CNTNAP2: variants seen among roughly 807,000 people sequenced by gnomAD.
The protein encoded by CNTNAP2 is contactin-associated protein-like 2.
Under a neutral mutation model 155.2 loss-of-function variants are expected in CNTNAP2, and 98 were observed. The ratio of observed to expected loss-of-function variants is 0.63; its 90% CI spans 0.54 to 0.75. The LOEUF (loss-of-function observed/expected upper bound fraction) is 0.75, where lower values mean the gene tolerates loss of function less well. Among genes scored for constraint, CNTNAP2 ranks in the 30% least tolerant of loss-of-function variants. The probability of loss-of-function intolerance (pLI) is 0.00; values close to 1 mark genes in which losing one functional copy is unlikely to be tolerated. For synonymous variants in CNTNAP2, 651 were observed against 631.2 expected, an observed-to-expected ratio of 1.03 and a Z score of -0.47; for missense variants, 1,727 against 1,688.1, an observed-to-expected ratio of 1.02 and a Z score of -0.40.
chr7:146,916,774 TG>T (rs1401611141), intron 3 of CNTNAP2, among the ~76,000 whole-genome samples: 4 of 152,136 alleles, frequency 2.6e-5, no homozygotes, highest in Non-Finnish European at 5.9e-5. Context: ...ACCAGCTTTT[TG>T]TATCATTTAT....
At chr7:146,415,421 ATAATT>A (rs1194890957) in intron 1 of CNTNAP2, among the ~76,000 whole-genome samples, 1 of 152,202 alleles carries the variant, frequency 6.6e-6, no homozygotes, top group African/African-American at 2.4e-5. Flanking sequence ...TTACTTCAAA[ATAATT>A]TACTTCAAAA....
intron 2 of CNTNAP2, among the ~76,000 whole-genome samples, chr7:146,809,914 A>G (rs1399238257): frequency 6.6e-6 from 1 of 152,156 alleles, no homozygotes; most frequent in African/African-American, 2.4e-5. Flanking sequence ...TATCCAAAAA[A>G]TCATTGCCAA....
intron 4 of CNTNAP2, among the ~76,000 whole-genome samples, chr7:147,055,059 G>A (rs1333847536): frequency 1.3e-5 from 2 of 152,056 alleles, no homozygotes; most frequent in African/African-American, 2.4e-5. Context: ...ATAATCTCAA[G>A]AATTAAAGAA....
At chr7:147,593,671 ATTG>A (rs1336582143) in intron 12 of CNTNAP2, among the ~76,000 whole-genome samples, 2 of 152,284 alleles carry the variant, frequency 1.3e-5, no homozygotes, top group South Asian at 2.1e-4. Context: ...GGCTACTACT[ATTG>A]TTGTTGTCAT....
chr7:147,817,306 A>T (rs1798281134), intron 13 of CNTNAP2, among the ~76,000 whole-genome samples: 1 of 152,252 alleles, frequency 6.6e-6, no homozygotes, highest in African/African-American at 2.4e-5. Flanking sequence ...AACCGTTAGA[A>T]AAATTTTAGT....
At chr7:146,638,142 T>C (rs1799630529) in intron 1 of CNTNAP2, among the ~76,000 whole-genome samples, 1 of 152,194 alleles carries the variant, frequency 6.6e-6, no homozygotes, top group Admixed American at 6.5e-5. Flanking sequence ...TGTAAGCGTA[T>C]AGCCAGGTTA....
At chr7:148,295,528 G>C (rs1331648077) in intron 21 of CNTNAP2, among the ~76,000 whole-genome samples, 10 of 147,272 alleles carry the variant, frequency 6.8e-5, no homozygotes, top group African/African-American at 2.5e-4. Flanking sequence ...GTCTCGCTCT[G>C]TCGCCCAGGC....
intron 21 of CNTNAP2, among the ~76,000 whole-genome samples, chr7:148,367,425 CATTAT>C (rs2116633519): frequency 6.6e-6 from 1 of 151,508 alleles, no homozygotes; most frequent in South Asian, 2.1e-4. Context: ...TACATAATAT[CATTAT>C]ATTCATCTTT....
intron 9 of CNTNAP2, among the ~76,000 whole-genome samples, chr7:147,310,703 T>G (rs1452936724): frequency 6.6e-6 from 1 of 151,662 alleles, no homozygotes; most frequent in Non-Finnish European, 1.5e-5. Context: ...CTTTAATGTA[T>G]CCTTCATGTT....
chr7:146,783,055 T>C (rs1802517310), intron 2 of CNTNAP2, among the ~76,000 whole-genome samples: 1 of 152,126 alleles, frequency 6.6e-6, no homozygotes, highest in African/African-American at 2.4e-5. Flanking sequence ...TGTTAAGACT[T>C]ACAGTGACTT....
chr7:148,340,326 G>A (rs1481355428), intron 21 of CNTNAP2, among the ~76,000 whole-genome samples: 2 of 152,130 alleles, frequency 1.3e-5, no homozygotes, highest in Non-Finnish European at 2.9e-5. Flanking sequence ...TTAACATCCC[G>A]AGGGAAGATA....
At chr7:147,752,447 A>G (rs10952709) in intron 13 of CNTNAP2, among the ~76,000 whole-genome samples, 134,163 of 152,130 alleles carry the variant, frequency 0.88, 60,945 homozygotes, top group Non-Finnish European at 0.99. Flanking sequence ...TCCTTTTCCT[A>G]TTTCTTTCAT....
chr7:147,676,386 G>T (rs73741217), intron 13 of CNTNAP2, among the ~76,000 whole-genome samples: 14,305 of 151,840 alleles, frequency 0.094, 1,099 homozygotes, highest in Admixed American at 0.2. Context: ...ATATTTATTT[G>T]CTAATTGACA....
At chr7:147,733,750 G>A (rs983268262) in intron 13 of CNTNAP2, among the ~76,000 whole-genome samples, 1 of 152,082 alleles carries the variant, frequency 6.6e-6, no homozygotes, top group Non-Finnish European at 1.5e-5. Flanking sequence ...TTGTAAGTTG[G>A]ATTCCTAGGT....
intron 1 of CNTNAP2, among the ~76,000 whole-genome samples, chr7:146,134,313 G>A (rs1365359837): frequency 6.9e-6 from 1 of 145,326 alleles, no homozygotes; most frequent in Non-Finnish European, 1.5e-5. Flanking sequence ...ATTTTGGGCT[G>A]AGACAATGGG....
At chr7:147,579,590 C>A (rs1176571794) in intron 12 of CNTNAP2, among the ~76,000 whole-genome samples, 2 of 152,130 alleles carry the variant, frequency 1.3e-5, no homozygotes, top group African/African-American at 4.8e-5. Flanking sequence ...AAGCAATTCT[C>A]AAACTTTAGT....
chr7:146,456,703 A>T (rs1456881470), intron 1 of CNTNAP2, among the ~76,000 whole-genome samples: 1 of 152,194 alleles, frequency 6.6e-6, no homozygotes, highest in African/African-American at 2.4e-5. Flanking sequence ...CTGTGAAGCA[A>T]TGCCTTGTCA....
chr7:147,091,915 A>G (rs901825100), intron 4 of CNTNAP2, among the ~76,000 whole-genome samples: 20 of 149,674 alleles, frequency 1.3e-4, no homozygotes, highest in African/African-American at 4.9e-4. Flanking sequence ...CATTTTTTGT[A>G]TTTTTAATAG....
chr7:146,330,115 C>T (rs1446754202), intron 1 of CNTNAP2, among the ~76,000 whole-genome samples: 3 of 149,704 alleles, frequency 2.0e-5, no homozygotes, highest in Non-Finnish European at 3.0e-5. Flanking sequence ...CTCCGCCTCC[C>T]GGGTTCAAGC....
Sources: allele counts gnomAD v4.1 joint callset (sites outside exome capture counted in the v4.1 genomes callset), GRCh38; gene constraint gnomAD v4.1.1; transcripts MANE v1.5; gene names NCBI Gene and HGNC (gene_info 2026-07-23, HGNC 2026-07-21).